EXPH5: variants seen among roughly 807,000 people sequenced by gnomAD.
EXPH5 encodes exophilin-5.
A neutral mutation model predicts 41.1 loss-of-function variants in EXPH5; 42 were observed. That is an observed-to-expected ratio of 1.02 (90% confidence interval 0.80 to 1.32). The LOEUF is 1.32. Ranked by LOEUF, EXPH5 falls within the 40% of genes most tolerant of loss-of-function variation. The pLI is 0.00. For missense variants in EXPH5, 2,298 were observed against 2,314.5 expected, an observed-to-expected ratio of 0.99 and a Z score of 0.15; for synonymous variants, 798 against 833.5, an observed-to-expected ratio of 0.96 and a Z score of 0.73.
At chr11:108,546,215 C>T (rs1235417767) in intron 1 of EXPH5, among the ~76,000 whole-genome samples, 4 of 151,886 alleles carry the variant, frequency 2.6e-5, no homozygotes, top group Admixed American at 1.3e-4. Context: ...TAGCATTAGG[C>T]GTAGGGTTCT....
rs762364929 is a variant in EXPH5 at position 108,512,446 on chromosome 11, T to C, written c.3061A>G (p.Thr1021Ala). 1.1e-4 allele frequency: 183 copies of C among 1,613,082 alleles called. No individual in the cohort carries two copies. Among genetic ancestry groups the C allele is most frequent in the Non-Finnish European group, 1.4e-4 (161 of 1,179,814 alleles). The change falls in exon 6 of 6, where the codon ACC becomes GCC. Residue 1021 changes from threonine to alanine, a missense_variant. Physicochemically the swap from Thr to Ala is moderately conservative, Grantham distance 58. Transcript: ENST00000265843. Reference sequence around the variant, plus strand: ...AAACTGCTTGATTTTCTTGGCAAGGTACAATAAATTGTGTCAAGTTCAGAA... The same window carrying C: ...AAACTGCTTGATTTTCTTGGCAAGGCACAATAAATTGTGTCAAGTTCAGAA... ...KVSELDTIYC[T>A]LPRKSSSFLI...
chr11:108,512,021 G>T lies in EXPH5; in HGVS notation c.3486C>A (p.Ser1162Arg), dbSNP rs781582789. ...TAACAGATGAGTCACTTTCCACAGG[G>T]CTAATGATTCTCTCCCAAGCCCTTG... ...LTPRAWERII[S>R]PVESDSSVRD... is the part of the protein sequence containing the mutation. Residue 1162 changes from serine (S) to arginine (R), a missense_variant, in exon 6 of 6, where the codon AGC (serine) becomes AGA (arginine). Coordinates refer to ENST00000265843, the MANE Select transcript of EXPH5 (RefSeq NM_015065.3). 4 of 1,593,978 alleles carry T rather than the reference G, an allele frequency of 2.5e-6. No individual in the cohort carries two copies. The highest frequency in any genetic ancestry group is 3.4e-6 in the Non-Finnish European group (4 of 1,173,362).
the EXPH5 span, among the ~76,000 whole-genome samples, chr11:108,600,464 A>G: frequency 6.6e-6 from 1 of 152,220 alleles, no homozygotes; most frequent in East Asian, 1.9e-4. Context: ...TTAACTGTTT[A>G]ATGTGACTGG....
At position 108,512,347 on chromosome 11, in the gene EXPH5, T is replaced by A; in HGVS notation, c.3160A>T (p.Ile1054Phe). The A allele has an allele frequency of 6.2e-7, 1 of 1,612,344 alleles. No homozygotes were observed. The highest frequency in any genetic ancestry group is 2.2e-5 in the East Asian group (1 of 44,886). The stretch of plus-strand genomic sequence containing the variant: ...ATTGCATCTTCCACATTATTTTTGA[T>A]TTGGAAGGGAGGTGGCCCATTCCTC... ...SLRNGPPPFQ[I>F]KNNVEDAMGN... The change falls in exon 6 of 6, where the codon ATC (isoleucine) becomes TTC (phenylalanine). Residue 1054 changes from isoleucine to phenylalanine, a missense_variant. Physicochemically the swap from Ile to Phe is conservative, Grantham distance 21. Transcript: ENST00000265843.
chr11:108,538,180 C>T lies in EXPH5; in HGVS notation c.443+844G>A, dbSNP rs371278330. ...CTGCTTGCTGCCTCTTGTTTCTCAG[C>T]GACAGTGACCTCCAACACCTTTTAT... is the stretch of plus-strand genomic sequence containing the variant. On this transcript the variant is annotated intron_variant, in intron 3 of 5. Coordinates refer to ENST00000265843, the MANE Select transcript of EXPH5 (RefSeq NM_015065.3). 3.1e-5 allele frequency: 31 copies of T among 985,384 alleles called. No individual in the cohort carries two copies. In the Admixed American group the frequency reaches 4.3e-4, roughly 14 times the overall value. The allele number at this position is 985,384 out of a possible 1,614,324, so 61.0% of individuals were successfully genotyped here.
chr11:108,510,037 T>C lies in EXPH5; in HGVS notation c.5470A>G (p.Thr1824Ala). Residue 1824 changes from threonine (T) to alanine (A), a missense_variant, in exon 6 of 6, where the codon ACT becomes GCT. Thr to Ala is a moderately conservative substitution (Grantham distance 58). Transcript: ENST00000265843. ...KVRERHFSESTSIDNALSRLT... is the reference protein window; with the variant it reads ...KVRERHFSESASIDNALSRLT... ...CGACTCAGGGCATTGTCAATAGAAG[T>C]GCTTTCAGAAAAATGGCGCTCCCTG... The C allele has an allele frequency of 6.2e-7, 1 of 1,612,434 alleles. No individual in the cohort carries two copies. The highest frequency in any genetic ancestry group is 8.5e-7 in the Non-Finnish European group (1 of 1,179,362).
chr11:108,511,002 TGAGA>T lies in EXPH5; in HGVS notation c.4501_4504del (p.Ser1501ThrfsTer29), dbSNP rs1420525407. 4.3e-6 allele frequency: 7 copies of T among 1,614,062 alleles called. No individual in the cohort carries two copies. The highest frequency in any genetic ancestry group is 5.9e-6 in the Non-Finnish European group (7 of 1,180,034). ...AAGGGCAAAGACTTGACTCTCTGAG[TGAGA>T]AAGTGTTTTATTAGTCATTTTTTGG... On this transcript the variant is annotated frameshift_variant, in exon 6 of 6. Coordinates refer to ENST00000265843, the MANE Select transcript of EXPH5 (RefSeq NM_015065.3). LOFTEE classifies it low-confidence loss of function (END_TRUNC).
At chr11:108,576,744 C>T (rs998614539) in intron 1 of EXPH5, among the ~76,000 whole-genome samples, 8 of 152,034 alleles carry the variant, frequency 5.3e-5, no homozygotes, top group African/African-American at 1.9e-4. Context: ...GGAAACATTC[C>T]AGATCTTTAC....
At position 108,510,468 on chromosome 11, in the gene EXPH5, T is replaced by C. The variant is rs1437509107; in HGVS notation, c.5039A>G (p.Asn1680Ser). The part of the protein sequence containing the change: ...ENLLPITVLP[N>S]REPSTHVSNQ... The stretch of plus-strand genomic sequence containing the variant: ...GCTGACGTGTGTAGAAGGTTCTCTG[T>C]TGGGTAGTACAGTAATGGGGAGAAG... The change falls in exon 6 of 6, where the codon AAC becomes AGC. Residue 1680 changes from asparagine to serine, a missense_variant. Transcript: ENST00000265843. The C allele has an allele frequency of 6.2e-7, 1 of 1,614,152 alleles. No homozygotes were observed. Among genetic ancestry groups the C allele is most frequent in the Admixed American group, 1.7e-5 (1 of 59,998 alleles).
At chr11:108,586,175 C>A (rs559689081) in intron 1 of EXPH5, among the ~76,000 whole-genome samples, 1 of 151,926 alleles carries the variant, frequency 6.6e-6, no homozygotes, top group African/African-American at 2.4e-5. Flanking sequence ...GCCAACATGG[C>A]GAAACCTCAA....
chr11:108,566,954 G>A (rs1182330011), intron 1 of EXPH5, among the ~76,000 whole-genome samples: 1 of 152,128 alleles, frequency 6.6e-6, no homozygotes, highest in Non-Finnish European at 1.5e-5. Context: ...ACAGAGCTAG[G>A]GAGAAAGGGG....
chr11:108,532,366 A>ATTTTT (rs1168217383), intron 3 of EXPH5, among the ~76,000 whole-genome samples: 6 of 32,126 alleles, frequency 1.9e-4, no homozygotes, highest in African/African-American at 1.2e-3. Context: ...ATATATATAT[A>ATTTTT]TTTTTTTTTT....
At position 108,593,553 on chromosome 11, in the gene EXPH5, G is replaced by T. The variant is rs551845178; in HGVS notation, c.-17C>A. 1 of 1,614,038 alleles carries T rather than the reference G, an allele frequency of 6.2e-7. No individual in the cohort carries two copies. Among genetic ancestry groups the T allele is most frequent in the South Asian group, 1.1e-5 (1 of 91,072 alleles). On this transcript the variant is annotated 5_prime_UTR_variant, in exon 1 of 6. Transcript: ENST00000265843. ...TTTCGTCATTTTCTTTACTGTGTGT[G>T]AGTTACACTTAAGCTCCTTGGCGCC...
At chr11:108,563,583 A>G (rs2094022014) in intron 1 of EXPH5, among the ~76,000 whole-genome samples, 1 of 152,184 alleles carries the variant, frequency 6.6e-6, no homozygotes, top group Non-Finnish European at 1.5e-5. Context: ...AGCACACAAG[A>G]GAAGAGGCAG....
chr11:108,593,413 T>G lies in EXPH5; in HGVS notation c.119+5A>C. 1 of 1,612,474 alleles carries G rather than the reference T, an allele frequency of 6.2e-7. No homozygotes were observed. The highest frequency in any genetic ancestry group is 8.5e-7 in the Non-Finnish European group (1 of 1,178,458). On this transcript the variant is annotated splice_donor_5th_base_variant and intron_variant, in intron 1 of 5. Coordinates refer to ENST00000265843, the MANE Select transcript of EXPH5 (RefSeq NM_015065.3). ...CAGGACAAAAGAAATGAATTTGCTC[T>G]GTACCTGATCCTGTCCTTCTCGGCC...
intron 4 of EXPH5, among the ~76,000 whole-genome samples, chr11:108,527,614 G>T (rs1455493212): frequency 1.3e-5 from 2 of 152,094 alleles, no homozygotes; most frequent in African/African-American, 4.8e-5. Flanking sequence ...AGCAGAAACA[G>T]AACACTTAAG....
chr11:108,535,725 G>C (rs1401543680), intron 3 of EXPH5, among the ~76,000 whole-genome samples: 2 of 152,162 alleles, frequency 1.3e-5, no homozygotes, highest in African/African-American at 4.8e-5. Context: ...ACGACCTATG[G>C]GTCAGGCAAA....
chr11:108,595,421 G>A (rs1473511697), upstream of EXPH5, among the ~76,000 whole-genome samples: 3 of 152,228 alleles, frequency 2.0e-5, no homozygotes, highest in Admixed American at 6.5e-5. Context: ...GGGAGGAGAT[G>A]TGTGAGTCTA....
Position 108,513,550 on chromosome 11 carries a change from A to T in EXPH5, c.1957T>A (p.Leu653Met). ...GGCTTATTTGGAAAAATTTTCTGCA[A>T]AGTGACTGTGGGATTCTGCAAGTTG... ...SPNLQNPTVT[L>M]QKIFPNKPAS... The change falls in exon 6 of 6, where the codon TTG (leucine) becomes ATG (methionine). Residue 653 changes from leucine to methionine, a missense_variant. Leu to Met is a conservative substitution (Grantham distance 15). Transcript: ENST00000265843. 6.2e-7 allele frequency: 1 copy of T among 1,614,222 alleles called. No individual in the cohort carries two copies. Among genetic ancestry groups the T allele is most frequent in the South Asian group, 1.1e-5 (1 of 91,078 alleles).
Sources: gnomAD v4.1 joint callset for allele counts (sites outside exome capture counted in the v4.1 genomes callset) on GRCh38, gnomAD v4.1.1 for gene constraint, MANE v1.5 for transcripts, NCBI Gene and HGNC (gene_info 2026-07-23, HGNC 2026-07-21) for gene names.